Variants in ERC2 observed in about 807,000 individuals in gnomAD.
The protein encoded by ERC2 is ELKS/RAB6-interacting/CAST family member 2.
A neutral mutation model predicts 114.8 loss-of-function variants in ERC2; 42 were observed. The observed-to-expected ratio is 0.37, with a 90% confidence interval of 0.29 to 0.47. The LOEUF is 0.47. Ranked by LOEUF, ERC2 falls within the 20% of genes least tolerant of loss-of-function variation. ERC2 has a pLI of 0.99. For missense variants in ERC2, 939 were observed against 1,150.7 expected (o/e 0.82, Z 2.66); for synonymous variants, 454 against 425.5 (o/e 1.07, Z -0.82).
intron 5 of ERC2, among the ~76,000 whole-genome samples, chr3:56,148,026 A>C (rs2081233307): frequency 6.6e-6 from 1 of 152,224 alleles, no homozygotes; most frequent in South Asian, 2.1e-4. Flanking sequence ...CTAGCAATAG[A>C]TAACAATAAT....
intron 14 of ERC2, among the ~76,000 whole-genome samples, chr3:55,764,410 C>T (rs1164978984): frequency 6.6e-6 from 1 of 152,212 alleles, no homozygotes; most frequent in South Asian, 2.1e-4. Context: ...CTAACGGGAT[C>T]TTTTACCTTG....
At chr3:56,205,340 G>A (rs2048657859) in intron 3 of ERC2, among the ~76,000 whole-genome samples, 1 of 152,122 alleles carries the variant, frequency 6.6e-6, no homozygotes, top group African/African-American at 2.4e-5. Flanking sequence ...ATCTGCAAAT[G>A]TTTGTCCCCA....
At chr3:55,772,552 G>A (rs143655492) in intron 14 of ERC2, among the ~76,000 whole-genome samples, 326 of 152,314 alleles carry the variant, frequency 2.1e-3, no homozygotes, top group African/African-American at 6.9e-3. Context: ...TCCTGACCTC[G>A]TGATCCGCCT....
chr3:56,133,681 T>A (rs2080337042), intron 6 of ERC2, among the ~76,000 whole-genome samples: 1 of 152,170 alleles, frequency 6.6e-6, no homozygotes, highest in African/African-American at 2.4e-5. Flanking sequence ...TCACAAGTGG[T>A]GAGTCAGTTT....
intron 2 of ERC2, among the ~76,000 whole-genome samples, chr3:56,426,108 C>T (rs1299692952): frequency 6.6e-6 from 1 of 152,176 alleles, no homozygotes; most frequent in African/African-American, 2.4e-5. Flanking sequence ...CCTAGAATCT[C>T]CCAGATTTCC....
chr3:56,269,566 A>C (rs967925187), intron 3 of ERC2, among the ~76,000 whole-genome samples: 37 of 152,224 alleles, frequency 2.4e-4, no homozygotes, highest in African/African-American at 8.4e-4. Context: ...TGTCTTAGCA[A>C]CATAGGAGGA....
chr3:56,134,177 A>C (rs935412621), intron 6 of ERC2, among the ~76,000 whole-genome samples: 1 of 152,198 alleles, frequency 6.6e-6, no homozygotes, highest in African/African-American at 2.4e-5. Context: ...TGCATATTTT[A>C]GTCTTCAAGG....
chr3:55,749,833 T>G (rs1389184739), intron 14 of ERC2, among the ~76,000 whole-genome samples: 4 of 152,168 alleles, frequency 2.6e-5, no homozygotes, highest in African/African-American at 9.7e-5. Context: ...ACTCTTTGGA[T>G]CAGTGCCATC....
intron 16 of ERC2, among the ~76,000 whole-genome samples, chr3:55,691,018 A>G (rs1399699311): frequency 1.3e-5 from 2 of 152,178 alleles, no homozygotes; most frequent in Non-Finnish European, 2.9e-5. Flanking sequence ...CAGTTCAGAC[A>G]TTTGTCCCCA....
At chr3:55,982,468 A>C (rs1286895280) in intron 12 of ERC2, among the ~76,000 whole-genome samples, 1 of 135,304 alleles carries the variant, frequency 7.4e-6, no homozygotes. Flanking sequence ...CATTAAAAAG[A>C]ACACTAAAAA....
intron 14 of ERC2, among the ~76,000 whole-genome samples, chr3:55,883,873 G>A (rs1443436274): frequency 1.3e-5 from 2 of 149,092 alleles, no homozygotes; most frequent in African/African-American, 2.5e-5. Context: ...GGGCAACAGA[G>A]TGAGGCTCCG....
At chr3:55,665,096 A>G (rs2061308178) in intron 17 of ERC2, among the ~76,000 whole-genome samples, 1 of 152,210 alleles carries the variant, frequency 6.6e-6, no homozygotes, top group South Asian at 2.1e-4. Flanking sequence ...GTGAAGGTGT[A>G]GAAGGTAGCC....
rs549209317 is a variant in ERC2, at chr3:55,781,845, C to T, written c.2565-46927G>A. On this transcript the variant is annotated intron_variant, in intron 14 of 17. Transcript: ENST00000288221. Reference sequence around the variant, plus strand: ...CGAGATCGCCCTACTACACTCCCGCCGGGGCAACAAGAGCAAAACTCAGCC... The same window carrying T: ...CGAGATCGCCCTACTACACTCCCGCTGGGGCAACAAGAGCAAAACTCAGCC... Among the ~76,000 whole-genome samples the T allele has an allele frequency of 4.1e-5, 6 of 145,984 alleles. No homozygotes were observed. In the South Asian group the frequency reaches 6.8e-4, roughly 16 times the overall value.
intron 7 of ERC2, among the ~76,000 whole-genome samples, chr3:56,052,431 T>C (rs150739427): frequency 1.1e-3 from 166 of 152,354 alleles, no homozygotes; most frequent in African/African-American, 3.8e-3. Flanking sequence ...CACCTGTTTT[T>C]GTAAACAGAA....
At chr3:55,747,807 G>A (rs1012397628) in intron 14 of ERC2, among the ~76,000 whole-genome samples, 14 of 152,292 alleles carry the variant, frequency 9.2e-5, no homozygotes, top group Non-Finnish European at 1.9e-4. Context: ...AGAACTATGC[G>A]TCTACATACA....
At position 56,201,217 on chromosome 3, in the gene ERC2, T is replaced by C. The variant is rs1362411418; in HGVS notation, c.1075-27697A>G. On this transcript the variant is annotated intron_variant, in intron 3 of 17. Coordinates refer to ENST00000288221, the MANE Select transcript of ERC2 (RefSeq NM_015576.3). ...AAGCCTTTGCTGAATTCCTCAAGAA[T>C]TAAATCCAGCAAACTATCTACCATA... is the stretch of plus-strand genomic sequence containing the variant. Among the ~76,000 whole-genome samples, 7 of 152,344 alleles carry C rather than the reference T, an allele frequency of 4.6e-5. No homozygotes were observed. In the East Asian group the frequency reaches 1.2e-3, roughly 25 times the overall value.
At chr3:55,749,863 A>C (rs899639548) in intron 14 of ERC2, among the ~76,000 whole-genome samples, 1 of 152,206 alleles carries the variant, frequency 6.6e-6, no homozygotes, top group African/African-American at 2.4e-5. Context: ...TGTAACACTC[A>C]CTGCGAAGGT....
chr3:56,134,496 G>A (rs2080380948), intron 6 of ERC2, among the ~76,000 whole-genome samples: 1 of 152,152 alleles, frequency 6.6e-6, no homozygotes, highest in Non-Finnish European at 1.5e-5. Context: ...ATGCTCTAGA[G>A]CATCTATAAA....
chr3:56,403,612 A>G (rs2106984497), intron 2 of ERC2, among the ~76,000 whole-genome samples: 1 of 152,250 alleles, frequency 6.6e-6, no homozygotes, highest in Admixed American at 6.5e-5. Flanking sequence ...GCCTCAACAG[A>G]CCTATTAAAT....
Sources: gnomAD v4.1 joint callset for allele counts (sites outside exome capture counted in the v4.1 genomes callset) on GRCh38, gnomAD v4.1.1 for gene constraint, MANE v1.5 for transcripts, NCBI Gene and HGNC (gene_info 2026-07-23, HGNC 2026-07-21) for gene names.